IGSF11: variants seen among roughly 807,000 people sequenced by gnomAD.
The protein encoded by IGSF11 is immunoglobulin superfamily member 11, also known as CXADR like 1.
Under a neutral mutation model 41.0 loss-of-function variants are expected in IGSF11, and 22 were observed. That is an observed-to-expected ratio of 0.54 (90% CI 0.38 to 0.77). The LOEUF (loss-of-function observed/expected upper bound fraction) is 0.77. Ranked by LOEUF, IGSF11 falls within the 30% of genes least tolerant of loss-of-function variation. The pLI is 0.00. For missense variants in IGSF11, 444 were observed against 530.8 expected, an observed-to-expected ratio of 0.84 and a Z score of 1.61; for synonymous variants, 219 against 201.3, an observed-to-expected ratio of 1.09 and a Z score of -0.74.
chr3:119,087,399 C>CAT (rs748805429), intron 1 of IGSF11, among the ~76,000 whole-genome samples: 16,491 of 146,080 alleles, frequency 0.11, 899 homozygotes, highest in East Asian at 0.22. Flanking sequence ...CACACACACA[C>CAT]ACATACACAC....
At chr3:119,113,744 G>A (rs1168605110) in intron 1 of IGSF11, among the ~76,000 whole-genome samples, 2 of 152,212 alleles carry the variant, frequency 1.3e-5, no homozygotes, top group Admixed American at 1.3e-4. Context: ...GCCCCAGTGG[G>A]GACTCTGTGT....
At chr3:118,911,037 GAT>G (rs745837673) in intron 4 of IGSF11, among the ~76,000 whole-genome samples, 22 of 152,066 alleles carry the variant, frequency 1.4e-4, no homozygotes, top group Admixed American at 2.6e-4. Context: ...CTAGGATGGA[GAT>G]ATGTTTCCTT....
intron 1 of IGSF11, among the ~76,000 whole-genome samples, chr3:118,936,502 A>C (rs1165284294): frequency 1.4e-5 from 2 of 144,474 alleles, no homozygotes; most frequent in Non-Finnish European, 3.0e-5. Context: ...GTGAGATTTC[A>C]TCTCAAAAAA....
At chr3:118,928,158 C>A (rs1400473708) in intron 3 of IGSF11, among the ~76,000 whole-genome samples, 1 of 152,166 alleles carries the variant, frequency 6.6e-6, no homozygotes, top group Non-Finnish European at 1.5e-5. Context: ...AAAACTTCTG[C>A]TCTGTACTAA....
At chr3:119,020,830 G>A (rs952886236) in intron 1 of IGSF11, among the ~76,000 whole-genome samples, 1 of 152,094 alleles carries the variant, frequency 6.6e-6, no homozygotes, top group Non-Finnish European at 1.5e-5. Flanking sequence ...ACACAATCCT[G>A]ACAGTAAGTA....
chr3:118,960,038 C>G (rs2107599462), intron 1 of IGSF11, among the ~76,000 whole-genome samples: 1 of 145,184 alleles, frequency 6.9e-6, no homozygotes, highest in East Asian at 2.0e-4. Flanking sequence ...CAGCGAGACT[C>G]CGTCTCAAAA....
At chr3:119,142,476 C>G (rs190996540) in intron 1 of IGSF11, among the ~76,000 whole-genome samples, 16 of 151,708 alleles carry the variant, frequency 1.1e-4, no homozygotes, top group African/African-American at 3.9e-4. Context: ...AGATATTGGA[C>G]CAAAACTTTA....
At chr3:119,053,057 T>C (rs776892492) in intron 1 of IGSF11, among the ~76,000 whole-genome samples, 2 of 152,120 alleles carry the variant, frequency 1.3e-5, no homozygotes, top group Non-Finnish European at 2.9e-5. Flanking sequence ...TGGGGAAAAG[T>C]TGAAAGCTTT....
chr3:118,975,180 A>T (rs2107625107), intron 1 of IGSF11, among the ~76,000 whole-genome samples: 1 of 152,280 alleles, frequency 6.6e-6, no homozygotes, highest in African/African-American at 2.4e-5. Context: ...TATTGAAGAG[A>T]TTTTGCCTTG....
At chr3:119,106,870 G>T (rs1278991473), upstream of IGSF11, among the ~76,000 whole-genome samples, 1 of 152,074 alleles carries the variant, frequency 6.6e-6, no homozygotes, top group East Asian at 1.9e-4. Context: ...AGTTTACTGA[G>T]AATGATGATT....
chr3:118,967,521 C>T (rs749334314), intron 1 of IGSF11, among the ~76,000 whole-genome samples: 8 of 152,132 alleles, frequency 5.3e-5, no homozygotes, highest in Non-Finnish European at 1.2e-4. Context: ...CCATCTCCTG[C>T]TATTCTCCCC....
intron 1 of IGSF11, among the ~76,000 whole-genome samples, chr3:119,096,082 A>G (rs944600218): frequency 1.3e-5 from 2 of 152,120 alleles, no homozygotes; most frequent in Admixed American, 1.3e-4. Context: ...ATTTAACTCC[A>G]GCAACTACCT....
chr3:118,906,610 C>T (rs1228865786), intron 4 of IGSF11, among the ~76,000 whole-genome samples: 1 of 152,108 alleles, frequency 6.6e-6, no homozygotes, highest in East Asian at 1.9e-4. Flanking sequence ...AATTATGTTC[C>T]CCACATCAGG....
chr3:118,926,380 A>G, intron 3 of IGSF11, 124 bp from the exon 4 acceptor site: 2 of 746,586 alleles, frequency 2.7e-6, no homozygotes, highest in Admixed American at 6.7e-5. Flanking sequence ...ATATACCAGG[A>G]GACAGACTCA....
chr3:119,051,146 T>A (rs985294937), intron 1 of IGSF11, among the ~76,000 whole-genome samples: 2 of 149,582 alleles, frequency 1.3e-5, no homozygotes, highest in East Asian at 3.9e-4. Context: ...TAAAGTATAA[T>A]AATAATTAAT....
intron 1 of IGSF11, among the ~76,000 whole-genome samples, chr3:119,059,340 T>C (rs182944411): frequency 6.5e-4 from 99 of 152,156 alleles, no homozygotes; most frequent in Non-Finnish European, 1.2e-3. Context: ...TATGTTCTCA[T>C]TTATATGTGG....
chr3:119,003,657 G>C (rs1027402008), intron 1 of IGSF11, among the ~76,000 whole-genome samples: 4 of 151,780 alleles, frequency 2.6e-5, no homozygotes, highest in African/African-American at 7.3e-5. Context: ...AATTTATTGA[G>C]AGTTTTTAGC....
intron 4 of IGSF11, among the ~76,000 whole-genome samples, chr3:118,911,270 A>C (rs1940249361): frequency 6.6e-6 from 1 of 152,208 alleles, no homozygotes; most frequent in African/African-American, 2.4e-5. Context: ...AAAAGGGAGA[A>C]AAAACTCAAC....
chr3:119,045,191 G>C (rs1028644146), intron 1 of IGSF11, among the ~76,000 whole-genome samples: 1 of 152,218 alleles, frequency 6.6e-6, no homozygotes, highest in East Asian at 1.9e-4. Flanking sequence ...CAGCGTGAGC[G>C]ACACAGAATA....
Sources: gnomAD v4.1 joint callset for allele counts (sites outside exome capture counted in the v4.1 genomes callset) on GRCh38, gnomAD v4.1.1 for gene constraint, MANE v1.5 for transcripts, NCBI Gene and HGNC (gene_info 2026-07-23, HGNC 2026-07-21) for gene names.